Variants in RBM22 observed in about 807,000 individuals in gnomAD.
RBM22 encodes the protein pre-mRNA-splicing factor RBM22.
In RBM22, 1 loss-of-function variant was observed where a neutral mutation model predicts 50.1. The ratio of observed to expected loss-of-function variants is 0.02; its 90% CI spans 0.01 to 0.09. RBM22 has a LOEUF of 0.09. Among genes scored for constraint, RBM22 ranks in the 10% least tolerant of loss-of-function variants. The pLI is 1.00. For synonymous variants in RBM22, 152 were observed against 179.0 expected, an observed-to-expected ratio of 0.85 and a Z score of 1.20; for missense variants, 264 against 529.3, an observed-to-expected ratio of 0.50 and a Z score of 4.92.
Position 150,691,685 on chromosome 5 carries a change from T to G in RBM22, c.*66A>C, listed in dbSNP as rs1171396125. On this transcript the variant is annotated 3_prime_UTR_variant, in exon 11 of 11. Coordinates refer to ENST00000199814, the MANE Select transcript of RBM22 (RefSeq NM_018047.3). ...TACAAGGGAAGGAAAAATATATTTA[T>G]TCCAAGATTTACTGGGAGTTTTAAG... 8 of 1,409,502 alleles carry G rather than the reference T, an allele frequency of 5.7e-6. No homozygotes were observed. Among genetic ancestry groups the G allele is most frequent in the Non-Finnish European group, 7.5e-6 (8 of 1,065,390 alleles). 87.3% of individuals were successfully genotyped at this position (1,409,502 alleles called of 1,614,324 possible). A position where few individuals can be genotyped will look rare whatever the true frequency, so the allele number is the denominator to read the frequency against.
At position 150,691,747 on chromosome 5, in the gene RBM22, G is replaced by A. The variant is rs760584334; in HGVS notation, c.*4C>T. On this transcript the variant is annotated 3_prime_UTR_variant, in exon 11 of 11. Coordinates refer to ENST00000199814, the MANE Select transcript of RBM22 (RefSeq NM_018047.3). ...CCACAGAGCCCCAGAGTGGTGACAAGGTGCTAGGGGCTGCTGTGTTTTCCA... is the reference window on the plus strand; with the variant it reads ...CCACAGAGCCCCAGAGTGGTGACAAAGTGCTAGGGGCTGCTGTGTTTTCCA... 1 of 1,545,158 alleles carries A rather than the reference G, an allele frequency of 6.5e-7. No individual in the cohort carries two copies. Among genetic ancestry groups the A allele is most frequent in the South Asian group, 1.3e-5 (1 of 77,936 alleles).
intron 4 of RBM22, among the ~76,000 whole-genome samples, 167 bp downstream of exon 4, chr5:150,698,332 C>T (rs1759303166): frequency 2.0e-5 from 3 of 152,140 alleles, no homozygotes; most frequent in Admixed American, 2.0e-4. Context: ...TTGTTCAGGA[C>T]TCTAGAGTGG....
chr5:150,697,039 A>G, intron 4 of RBM22, 148 bp from the exon 5 acceptor site: 1 of 752,360 alleles, frequency 1.3e-6, no homozygotes, highest in East Asian at 2.7e-5. Context: ...ACTCTTTAGC[A>G]CCATCAGGTT....
intron 1 of RBM22, 184 bp from the exon 2 acceptor site, chr5:150,700,681 AAAG>A (rs1759335638): frequency 6.5e-7 from 1 of 1,526,938 alleles, no homozygotes; most frequent in Admixed American, 2.0e-5. Context: ...CGGCGGGAGA[AAAG>A]AAAACCAGCT....
chr5:150,699,299 CT>C, intron 2 of RBM22, 28 bp from the exon 3 acceptor site: 1 of 1,550,660 alleles, frequency 6.4e-7, no homozygotes, highest in Non-Finnish European at 8.7e-7. Context: ...TAGAAAAGAA[CT>C]GGAGTTACAG....
Position 150,695,723 on chromosome 5 carries a change from A to C in RBM22, c.546-17T>G. ...TTCTCATGTCTATGATTCAAGAAAAAAACAAGGCATAAAGGTGAAACGAAG... is the reference window on the plus strand; with the variant it reads ...TTCTCATGTCTATGATTCAAGAAAACAACAAGGCATAAAGGTGAAACGAAG... On this transcript the variant is annotated splice_polypyrimidine_tract_variant and intron_variant, in intron 6 of 10. Coordinates refer to ENST00000199814, the MANE Select transcript of RBM22 (RefSeq NM_018047.3). The C allele has an allele frequency of 6.3e-7, 1 of 1,586,696 alleles. No homozygotes were observed. Among genetic ancestry groups the C allele is most frequent in the Non-Finnish European group, 8.6e-7 (1 of 1,159,826 alleles).
At chr5:150,697,078 T>C (rs915226795) in intron 4 of RBM22, among the ~76,000 whole-genome samples, 187 bp from the exon 5 acceptor site, 2 of 152,212 alleles carry the variant, frequency 1.3e-5, no homozygotes, top group African/African-American at 4.8e-5. Context: ...GCTAAGAAAT[T>C]GTCCAAATTC....
Position 150,692,827 on chromosome 5 carries a change from A to G in RBM22, c.1132+68T>C, listed in dbSNP as rs566458861. ...ACAGGATTTGGATGTGTTGAACATG[A>G]TGGTGAGGTTTATGAGACAGAACTT... On this transcript the variant is annotated intron_variant, in intron 10 of 10. Transcript: ENST00000199814. 3.5e-6 allele frequency: 5 copies of G among 1,440,712 alleles called. No homozygotes were observed. The East Asian group carries it at 1.2e-4, about 34-fold the overall frequency. 89.2% of individuals were successfully genotyped at this position (1,440,712 alleles called of 1,614,324 possible).
Position 150,699,260 on chromosome 5 carries a change from CT to C in RBM22, c.119del (p.Lys40SerfsTer38). 2 of 1,587,614 alleles carry C rather than the reference CT, an allele frequency of 1.3e-6. No homozygotes were observed. The highest frequency in any genetic ancestry group is 8.6e-7 in the Non-Finnish European group (1 of 1,168,250). ...TACTTACTTTGCATTCCTTCCCATA[CT>C]TTTCTTTGGTCTATAATAGAAAAAA... is the stretch of plus-strand genomic sequence containing the variant. ...ENPYIRMTKE[K>X]YGKECKICAR... On this transcript the variant is annotated frameshift_variant, in exon 3 of 11. Coordinates refer to ENST00000199814, the MANE Select transcript of RBM22 (RefSeq NM_018047.3). LOFTEE classifies it high-confidence loss of function.
At chr5:150,697,925 T>C (rs2151457416) in intron 4 of RBM22, among the ~76,000 whole-genome samples, 1 of 151,922 alleles carries the variant, frequency 6.6e-6, no homozygotes, top group South Asian at 2.1e-4. Context: ...GAGGCCAAGG[T>C]GGGAGGACTG....
rs1479522072 is a variant in RBM22 at position 150,696,018 on chromosome 5, C to T, written c.546-312G>A. Among the ~76,000 whole-genome samples the T allele has an allele frequency of 6.7e-6, 1 of 150,030 alleles. No homozygotes were observed. Among genetic ancestry groups the T allele is most frequent in the Non-Finnish European group, 1.5e-5 (1 of 67,750 alleles). On this transcript the variant is annotated intron_variant, in intron 6 of 10. Coordinates refer to ENST00000199814, the MANE Select transcript of RBM22 (RefSeq NM_018047.3). The surrounding 1 kb of genome is among the most constrained non-coding windows in gnomAD (Gnocchi z 4.3). ...CCCAGAAAGGGACACATGATTACCC[C>T]TCTCTAGGTCAATGATTCTTAACAC...
chr5:150,700,855 G>A (rs1759339570), intron 1 of RBM22, 77 bp downstream of exon 1: 2 of 1,613,260 alleles, frequency 1.2e-6, no homozygotes, highest in Non-Finnish European at 1.7e-6. Flanking sequence ...CGGCCGCGCC[G>A]CAGGCCCTGT....
In RBM22 at chr5:150,701,045, CCGT is replaced by C; in HGVS notation, c.-63_-61del. Reference sequence around the variant, plus strand: ...ATTGGGAGAGAGGACCGCCACAATCCCGTCAAGCCCCGAGGCTAGCGCCGCGCC... The same window carrying C: ...ATTGGGAGAGAGGACCGCCACAATCCCAAGCCCCGAGGCTAGCGCCGCGCC... On this transcript the variant is annotated 5_prime_UTR_variant, in exon 1 of 11. Transcript: ENST00000199814. 1.2e-6 allele frequency: 2 copies of C among 1,608,460 alleles called. No individual in the cohort carries two copies. The highest frequency in any genetic ancestry group is 2.2e-5 in the South Asian group (2 of 90,930).
intron 2 of RBM22, among the ~76,000 whole-genome samples, chr5:150,699,604 G>C (rs574792147): frequency 7.1e-4 from 108 of 152,328 alleles, no homozygotes; most frequent in African/African-American, 2.6e-3. Flanking sequence ...GGGCAACATA[G>C]CGAGATGCTG....
Position 150,691,706 on chromosome 5 carries a change from T to G in RBM22, c.*45A>C. ...TTTATTCCAAGATTTACTGGGAGTT[T>G]TAAGTGCCCTTTCTTCCACAGAGCC... On this transcript the variant is annotated 3_prime_UTR_variant, in exon 11 of 11. Coordinates refer to ENST00000199814, the MANE Select transcript of RBM22 (RefSeq NM_018047.3). 1 of 1,446,500 alleles carries G rather than the reference T, an allele frequency of 6.9e-7. No individual in the cohort carries two copies. The allele number at this position is 1,446,500 out of a possible 1,614,324, so 89.6% of individuals were successfully genotyped here.
intron 6 of RBM22, 75 bp from the exon 7 acceptor site, chr5:150,695,781 C>T (rs1203937569): frequency 4.8e-6 from 6 of 1,253,918 alleles, no homozygotes; most frequent in African/African-American, 1.5e-5. Context: ...AGAGTAGCTA[C>T]ATATTAAAGT....
At chr5:150,692,873 T>C in intron 10 of RBM22, 22 bp downstream of exon 10, 13 of 1,562,024 alleles carry the variant, frequency 8.3e-6, no homozygotes, top group Non-Finnish European at 1.1e-5. Context: ...TTCTCTGGGC[T>C]AAGAAGGAAG....
At position 150,696,156 on chromosome 5, in the gene RBM22, C is replaced by A. The variant is rs567529762; in HGVS notation, c.545+377G>T. Among the ~76,000 whole-genome samples the A allele has an allele frequency of 1.3e-5, 2 of 151,868 alleles. No individual in the cohort carries two copies. The highest frequency in any genetic ancestry group is 4.8e-5 in the African/African-American group (2 of 41,376). ...GGGTTAACCAATCCCAAATTAAGAACTCCTAATCCAGATGCTTGGCAGTCT... is the reference window on the plus strand; with the variant it reads ...GGGTTAACCAATCCCAAATTAAGAAATCCTAATCCAGATGCTTGGCAGTCT... On this transcript the variant is annotated intron_variant, in intron 6 of 10. Transcript: ENST00000199814. The surrounding 1 kb of genome is among the most constrained non-coding windows in gnomAD (Gnocchi z 4.3).
rs1354367613 is a variant in RBM22 at position 150,691,618 on chromosome 5, TCTGA to T, written c.*129_*132del. 5.4e-6 allele frequency: 6 copies of T among 1,101,990 alleles called. No individual in the cohort carries two copies. Among genetic ancestry groups the T allele is most frequent in the East Asian group, 5.5e-5 (2 of 36,150 alleles). 68.3% of individuals were successfully genotyped at this position (1,101,990 alleles called of 1,614,324 possible). The stretch of plus-strand genomic sequence containing the variant: ...GTATAGGAAAGCATGGCTGTCAGTC[TCTGA>T]CTGCTCACATCTGAGCACATTCAGC... On this transcript the variant is annotated 3_prime_UTR_variant, in exon 11 of 11. Transcript: ENST00000199814.
Sources: allele counts gnomAD v4.1 joint callset (sites outside exome capture counted in the v4.1 genomes callset), GRCh38; gene constraint gnomAD v4.1.1; non-coding constraint Gnocchi (gnomAD v3.1); transcripts MANE v1.5; gene names NCBI Gene and HGNC (gene_info 2026-07-23, HGNC 2026-07-21).